Variants in CDC20B observed in about 807,000 individuals in gnomAD.
CDC20B encodes the protein cell division cycle protein 20 homolog B.
In CDC20B, 58 loss-of-function variants were observed where a neutral mutation model predicts 64.1. The observed-to-expected ratio is 0.90, with a 90% CI of 0.73 to 1.13. CDC20B has a LOEUF of 1.13. Among genes scored for constraint, CDC20B ranks in the 50% most tolerant of loss-of-function variants. The probability of loss-of-function intolerance (pLI) is 0.00; values close to 1 mark genes in which losing one functional copy is unlikely to be tolerated. For synonymous variants in CDC20B, 243 were observed against 230.6 expected, an observed-to-expected ratio of 1.05 and a Z score of -0.49; for missense variants, 597 against 633.0, an observed-to-expected ratio of 0.94 and a Z score of 0.61.
intron 2 of CDC20B, among the ~76,000 whole-genome samples, chr5:55,162,630 C>A (rs933058187): frequency 6.6e-6 from 1 of 152,176 alleles, no homozygotes; most frequent in South Asian, 2.1e-4. Context: ...TGATATAATG[C>A]CTAACGCCAT....
intron 2 of CDC20B, chr5:55,164,044 G>A (rs765981639): frequency 4.5e-6 from 7 of 1,547,066 alleles, no homozygotes; most frequent in African/African-American, 1.4e-5. Flanking sequence ...AATATGTTCT[G>A]GATATTTTAG....
rs1465179627 is a variant in CDC20B, at chr5:55,114,097, T to C, written c.*121A>G. 1.8e-5 allele frequency: 26 copies of C among 1,412,196 alleles called. No homozygotes were observed. Among genetic ancestry groups the C allele is most frequent in the Admixed American group, 1.1e-4 (4 of 35,918 alleles). 87.5% of individuals were successfully genotyped at this position (1,412,196 alleles called of 1,614,324 possible). Reference sequence around the variant, plus strand: ...CAAAAGAAGAACAGGAGAACAGGCATTCACATCAAGAAGAGTATTTCAACT... The same window carrying C: ...CAAAAGAAGAACAGGAGAACAGGCACTCACATCAAGAAGAGTATTTCAACT... On this transcript the variant is annotated 3_prime_UTR_variant, in exon 12 of 12. Transcript: ENST00000381375. The surrounding 1 kb of genome is among the most constrained non-coding windows in gnomAD (Gnocchi z 4.1).
At chr5:55,142,742 T>C (rs1258137702) in intron 4 of CDC20B, among the ~76,000 whole-genome samples, 2 of 151,552 alleles carry the variant, frequency 1.3e-5, no homozygotes, top group African/African-American at 4.9e-5. Context: ...TCACTTCCAA[T>C]TGCATATGAG....
At chr5:55,119,740 C>G in intron 11 of CDC20B, 61 bp downstream of exon 11, 1 of 1,007,046 alleles carries the variant, frequency 9.9e-7, no homozygotes, top group Non-Finnish European at 1.6e-6. Context: ...CAGGGCTTTT[C>G]CCCCCAACAA....
At chr5:55,151,527 T>C (rs982613185) in intron 2 of CDC20B, among the ~76,000 whole-genome samples, 1 of 152,244 alleles carries the variant, frequency 6.6e-6, no homozygotes, top group Non-Finnish European at 1.5e-5. Flanking sequence ...TAAATATACA[T>C]TTTTAAAATT....
chr5:55,118,687 T>G (rs369308285), intron 11 of CDC20B, among the ~76,000 whole-genome samples: 3 of 152,316 alleles, frequency 2.0e-5, no homozygotes, highest in African/African-American at 7.2e-5. Context: ...ATGCTCTTCC[T>G]ACACTTGCAC....
chr5:55,120,512 G>A lies in CDC20B; in HGVS notation c.1254C>T (p.Ala418=), dbSNP rs758719562. ...DWCPWQSGVL[A]IGGGMKDGRL... The stretch of plus-strand genomic sequence containing the variant: ...GTCCATCCTTCATTCCTCCTCCAAT[G>A]GCAAGGACCCCAGACTGCCAGGGAC... Residue 418 remains alanine (A), a synonymous_variant, in exon 10 of 12, where the codon GCC becomes GCT. Coordinates refer to ENST00000381375, the MANE Select transcript of CDC20B (RefSeq NM_001170402.1). The A allele has an allele frequency of 6.2e-7, 1 of 1,613,670 alleles. No homozygotes were observed. Among genetic ancestry groups the A allele is most frequent in the East Asian group, 2.2e-5 (1 of 44,852 alleles).
At chr5:55,161,087 C>G (rs767177389) in intron 2 of CDC20B, 1 of 1,614,192 alleles carries the variant, frequency 6.2e-7, no homozygotes, top group Non-Finnish European at 8.5e-7. Flanking sequence ...TGGACCATCC[C>G]ACTTCAGCGT....
Position 55,157,899 on chromosome 5 carries a change from C to T in CDC20B, c.127-11043G>A, listed in dbSNP as rs1047990151. Among the ~76,000 whole-genome samples, 9 of 152,314 alleles carry T rather than the reference C, an allele frequency of 5.9e-5. No individual in the cohort carries two copies. In the East Asian group the frequency reaches 1.5e-3, roughly 26 times the overall value. ...ACAGTTATAATGACTTGGGTTTACACGGCTCAAATTACAGCAGGTATTCTA... is the reference window on the plus strand; with the variant it reads ...ACAGTTATAATGACTTGGGTTTACATGGCTCAAATTACAGCAGGTATTCTA... On this transcript the variant is annotated intron_variant, in intron 2 of 11. Coordinates refer to ENST00000381375, the MANE Select transcript of CDC20B (RefSeq NM_001170402.1).
chr5:55,113,585 G>A lies in CDC20B; in HGVS notation c.*633C>T, dbSNP rs1461140427. On this transcript the variant is annotated 3_prime_UTR_variant, in exon 12 of 12. Coordinates refer to ENST00000381375, the MANE Select transcript of CDC20B (RefSeq NM_001170402.1). ...TGTGACTAGGTGAAGCAAAAGAAAA[G>A]AGAGCAAAGGGTGAACTGAGGAAGC... 6.6e-6 allele frequency: 1 copy of A among 152,654 alleles called. No individual in the cohort carries two copies. The highest frequency in any genetic ancestry group is 1.5e-5 in the Non-Finnish European group (1 of 68,426). 9.5% of individuals were successfully genotyped at this position (152,654 alleles called of 1,614,324 possible). A position where few individuals can be genotyped will look rare whatever the true frequency, so the allele number is the denominator to read the frequency against.
chr5:55,160,475 G>T, intron 2 of CDC20B: 2 of 1,131,110 alleles, frequency 1.8e-6, no homozygotes, highest in Non-Finnish European at 2.6e-6. Context: ...TCAATTTTTT[G>T]CTGTTACATG....
In CDC20B at chr5:55,114,395, T is replaced by C; in HGVS notation, c.1460-77A>G. 6.5e-7 allele frequency: 1 copy of C among 1,542,966 alleles called. No homozygotes were observed. On this transcript the variant is annotated intron_variant, in intron 11 of 11. Coordinates refer to ENST00000381375, the MANE Select transcript of CDC20B (RefSeq NM_001170402.1). This position sits in a 1 kb window ranked among gnomAD's most constrained non-coding sequence, Gnocchi z 4.1. Reference sequence around the variant, plus strand: ...TGCTCAGGACTGTAGGCAATGTAAGTTGGGGCCATGAGTCCCATCCCAGGA... The same window carrying C: ...TGCTCAGGACTGTAGGCAATGTAAGCTGGGGCCATGAGTCCCATCCCAGGA...
chr5:55,116,387 A>G (rs1250873606), intron 11 of CDC20B, among the ~76,000 whole-genome samples: 1 of 152,208 alleles, frequency 6.6e-6, no homozygotes, highest in Non-Finnish European at 1.5e-5. Context: ...GGCAACATAG[A>G]AAGATCCAGC....
intron 11 of CDC20B, among the ~76,000 whole-genome samples, chr5:55,117,733 A>C (rs530656371): frequency 6.6e-6 from 1 of 152,278 alleles, no homozygotes; most frequent in South Asian, 2.1e-4. Flanking sequence ...GATTTCCCAA[A>C]TGTGTTTGGG....
At chr5:55,161,783 G>A (rs1307723412) in intron 2 of CDC20B, among the ~76,000 whole-genome samples, 1 of 152,146 alleles carries the variant, frequency 6.6e-6, no homozygotes, top group Non-Finnish European at 1.5e-5. Flanking sequence ...AGTAGTGTTA[G>A]GCTATTTCTC....
chr5:55,115,831 C>G (rs1742609154), intron 11 of CDC20B, among the ~76,000 whole-genome samples: 1 of 152,222 alleles, frequency 6.6e-6, no homozygotes, highest in Admixed American at 6.5e-5. Flanking sequence ...CTTCTACACA[C>G]ATCACTCCCA....
intron 10 of CDC20B, among the ~76,000 whole-genome samples, 174 bp from the exon 11 acceptor site, chr5:55,120,092 A>T (rs959871272): frequency 1.3e-5 from 2 of 152,226 alleles, no homozygotes; most frequent in Admixed American, 6.5e-5. Context: ...GCAACAAAGG[A>T]TCAAGTATAC....
In CDC20B at chr5:55,124,732, C is replaced by T. The variant is rs1044556736; in HGVS notation, c.1215+71G>A. 3.9e-6 allele frequency: 5 copies of T among 1,273,648 alleles called. No homozygotes were observed. The African/African-American group carries it at 7.5e-5, about 19-fold the overall frequency. The allele number at this position is 1,273,648 out of a possible 1,614,324, so 78.9% of individuals were successfully genotyped here. A position where few individuals can be genotyped will look rare whatever the true frequency, so the allele number is the denominator to read the frequency against. On this transcript the variant is annotated intron_variant, in intron 9 of 11. Coordinates refer to ENST00000381375, the MANE Select transcript of CDC20B (RefSeq NM_001170402.1). ...CTCAAAATATTGGCTTAATGATTTT[C>T]TTTTTATATGTGAAGGATACCCAGT...
At chr5:55,131,568 G>T (rs1462019549) in intron 6 of CDC20B, among the ~76,000 whole-genome samples, 1 of 152,194 alleles carries the variant, frequency 6.6e-6, no homozygotes, top group African/African-American at 2.4e-5. Context: ...AAATATAGTT[G>T]TTAGGGTTCG....
Sources: allele counts gnomAD v4.1 joint callset (sites outside exome capture counted in the v4.1 genomes callset), GRCh38; gene constraint gnomAD v4.1.1; non-coding constraint Gnocchi (gnomAD v3.1); transcripts MANE v1.5; gene names NCBI Gene and HGNC (gene_info 2026-07-23, HGNC 2026-07-21).